Variants in LRIG1 observed in about 807,000 individuals in gnomAD.
LRIG1 encodes leucine rich repeats and immunoglobulin like domains 1.
LRIG1 carries 48 observed loss-of-function variants against 99.2 expected under a neutral mutation model. The ratio of observed to expected loss-of-function variants is 0.48; its 90% CI spans 0.38 to 0.62. The LOEUF (loss-of-function observed/expected upper bound fraction) is 0.62, where lower values mean the gene tolerates loss of function less well. Ranked by LOEUF, LRIG1 falls within the 20% of genes least tolerant of loss-of-function variation. The pLI is 0.00. For synonymous variants in LRIG1, 772 were observed against 596.1 expected (o/e 1.29, Z -4.30); for missense variants, 1,646 against 1,434.4 (o/e 1.15, Z -2.38).
intron 1 of LRIG1, among the ~76,000 whole-genome samples, chr3:66,466,430 G>C (rs1700475090): frequency 6.6e-6 from 1 of 152,060 alleles, no homozygotes; most frequent in Non-Finnish European, 1.5e-5. Context: ...ATGACATTTG[G>C]GTTGTTCCTC....
At position 66,380,333 on chromosome 3, in the gene LRIG1, T is replaced by G; in HGVS notation, c.3212A>C (p.Glu1071Ala). The change falls in exon 19 of 19, where the codon GAG becomes GCG. Residue 1071 changes from glutamate to alanine, a missense_variant. Physicochemically the swap from Glu to Ala is moderately radical, Grantham distance 107. Transcript: ENST00000273261. ...HLPKACDASP[E>A]STPLTGQLPG... ...GAGCTGTCCTGTCAGTGGCGTGGAC[T>G]CGGGACTGGCGTCACATGCTTTGGG... The G allele has an allele frequency of 6.2e-7, 1 of 1,614,194 alleles. No homozygotes were observed. The highest frequency in any genetic ancestry group is 8.5e-7 in the Non-Finnish European group (1 of 1,180,038).
chr3:66,417,082 G>C (rs1395269444), intron 4 of LRIG1, 47 bp downstream of exon 4: 1 of 1,601,612 alleles, frequency 6.2e-7, no homozygotes, highest in Non-Finnish European at 8.5e-7. Flanking sequence ...CTGTTAGCTG[G>C]CTGGACACAG....
Position 66,500,883 on chromosome 3 carries a change from G to C in LRIG1, c.-476C>G, listed in dbSNP as rs2106952916. On this transcript the variant is annotated 5_prime_UTR_variant, in exon 1 of 19. Coordinates refer to ENST00000273261, the MANE Select transcript of LRIG1 (RefSeq NM_015541.3). ...GGCTGGACGGCGCGGCCGGCCCCGC[G>C]CTGGGAGGCCCCAGTGCGCCTCGCT... is the stretch of plus-strand genomic sequence containing the variant. 1 of 151,998 alleles carries C rather than the reference G, an allele frequency of 6.6e-6. No individual in the cohort carries two copies. The highest frequency in any genetic ancestry group is 2.1e-4 in the South Asian group (1 of 4,828). The allele number at this position is 151,998 out of a possible 1,614,324, so 9.4% of individuals were successfully genotyped here. A position where few individuals can be genotyped will look rare whatever the true frequency, so the allele number is the denominator to read the frequency against.
chr3:66,398,281 G>T, intron 10 of LRIG1, 98 bp from the exon 11 acceptor site: 1 of 866,382 alleles, frequency 1.2e-6, no homozygotes, highest in Non-Finnish European at 1.9e-6. Flanking sequence ...ACAGGGACTA[G>T]CCAGACCTGT....
Position 66,386,182 on chromosome 3 carries a change from A to G in LRIG1, c.1588T>C (p.Trp530Arg). The change falls in exon 13 of 19, where the codon TGG becomes CGG. Residue 530 changes from tryptophan (W) to arginine (R), a missense_variant. Transcript: ENST00000273261. ...GTCAGGACTTCATTGTCTTTCTTCC[A>G]GGCAAAGGTCATGGGGGAGCTGCTG... ...SSSSSPMTFA[W>R]KKDNEVLTNA... The G allele has an allele frequency of 6.2e-7, 1 of 1,614,154 alleles. No homozygotes were observed. Among genetic ancestry groups the G allele is most frequent in the Non-Finnish European group, 8.5e-7 (1 of 1,180,030 alleles).
chr3:66,418,099 G>C (rs1429448103), intron 3 of LRIG1, among the ~76,000 whole-genome samples: 1 of 147,542 alleles, frequency 6.8e-6, no homozygotes, highest in Non-Finnish European at 1.5e-5. Flanking sequence ...TTTTGTTTTT[G>C]TTTTTGTTTT....
At chr3:66,397,094 C>T (rs1394543534) in intron 11 of LRIG1, among the ~76,000 whole-genome samples, 1 of 152,236 alleles carries the variant, frequency 6.6e-6, no homozygotes, top group East Asian at 1.9e-4. Flanking sequence ...GCTCCAAGAT[C>T]CAACCCTTGC....
intron 2 of LRIG1, among the ~76,000 whole-genome samples, chr3:66,455,900 G>A (rs1029406872): frequency 4.6e-5 from 7 of 152,164 alleles, no homozygotes; most frequent in South Asian, 2.1e-4. Flanking sequence ...CAATAATAAA[G>A]GTGAACATCT....
rs1303363782 is a variant in LRIG1, at chr3:66,380,191, A to G, written c.*72T>C. 1.5e-6 allele frequency: 2 copies of G among 1,309,058 alleles called. No individual in the cohort carries two copies. Among genetic ancestry groups the G allele is most frequent in the African/African-American group, 1.5e-5 (1 of 68,064 alleles). 81.1% of individuals were successfully genotyped at this position (1,309,058 alleles called of 1,614,324 possible). On this transcript the variant is annotated 3_prime_UTR_variant, in exon 19 of 19. Coordinates refer to ENST00000273261, the MANE Select transcript of LRIG1 (RefSeq NM_015541.3). The stretch of plus-strand genomic sequence containing the variant: ...TACAGATGAGTGACGCTTGAACCCA[A>G]GCTTCCTCGCAGCCTCTCCTACCTC...
chr3:66,385,729 G>A (rs1231071337), intron 13 of LRIG1, among the ~76,000 whole-genome samples: 1 of 152,212 alleles, frequency 6.6e-6, no homozygotes, highest in East Asian at 1.9e-4. Flanking sequence ...TGGGATTACA[G>A]GCATGAGCCA....
intron 3 of LRIG1, among the ~76,000 whole-genome samples, chr3:66,440,086 G>A (rs1703491056): frequency 6.6e-6 from 1 of 152,084 alleles, no homozygotes; most frequent in African/African-American, 2.4e-5. Flanking sequence ...TATGAGAGGG[G>A]AGGAGACAAG....
At chr3:66,395,975 G>A (rs990365141) in intron 11 of LRIG1, among the ~76,000 whole-genome samples, 5 of 151,194 alleles carry the variant, frequency 3.3e-5, no homozygotes, top group African/African-American at 1.2e-4. Context: ...ATTTGTGCAG[G>A]ACACAAGGAC....
chr3:66,421,521 C>A (rs766461953), intron 3 of LRIG1, among the ~76,000 whole-genome samples: 13 of 152,210 alleles, frequency 8.5e-5, no homozygotes, highest in African/African-American at 2.7e-4. Flanking sequence ...TGATGCAAGA[C>A]GTGGGTTCCC....
chr3:66,405,823 A>G, intron 8 of LRIG1: 10 of 1,153,412 alleles, frequency 8.7e-6, no homozygotes, highest in Non-Finnish European at 1.1e-5. Context: ...TGAGCCAGGG[A>G]GGACATCTGG....
intron 3 of LRIG1, among the ~76,000 whole-genome samples, chr3:66,448,538 T>C (rs938462096): frequency 1.4e-5 from 2 of 140,084 alleles, no homozygotes; most frequent in African/African-American, 4.9e-5. Context: ...ATACACAAGC[T>C]TCGAGGGTAC....
At chr3:66,467,502 G>A (rs1020538625) in intron 1 of LRIG1, among the ~76,000 whole-genome samples, 1 of 152,016 alleles carries the variant, frequency 6.6e-6, no homozygotes, top group African/African-American at 2.4e-5. Flanking sequence ...TGGGACTACA[G>A]TCACCTGCCA....
chr3:66,465,867 CCT>C (rs1236308885), intron 1 of LRIG1, among the ~76,000 whole-genome samples: 1 of 152,144 alleles, frequency 6.6e-6, no homozygotes, highest in Admixed American at 6.5e-5. Context: ...TCCTCATTCC[CCT>C]CTGTCCTAGC....
chr3:66,483,378 A>C (rs1277499516), intron 1 of LRIG1, among the ~76,000 whole-genome samples: 1 of 152,232 alleles, frequency 6.6e-6, no homozygotes. Context: ...CCAGATTTAG[A>C]AATGTATCTG....
At chr3:66,476,141 T>C (rs958728045) in intron 1 of LRIG1, among the ~76,000 whole-genome samples, 38 of 152,184 alleles carry the variant, frequency 2.5e-4, no homozygotes, top group African/African-American at 8.0e-4. Context: ...GAGCACCTGC[T>C]TTCTTCCTTC....
Sources: gnomAD v4.1 joint callset for allele counts (sites outside exome capture counted in the v4.1 genomes callset) on GRCh38, gnomAD v4.1.1 for gene constraint, MANE v1.5 for transcripts, NCBI Gene and HGNC (gene_info 2026-07-23, HGNC 2026-07-21) for gene names.